The following ARL15 variants were observed in gnomAD, a reference collection of about 807,000 sequenced individuals.
The protein encoded by ARL15 is ARF like GTPase 15.
A neutral mutation model predicts 25.2 loss-of-function variants in ARL15; 19 were observed. The ratio of observed to expected loss-of-function variants is 0.75; its 90% CI spans 0.53 to 1.10. ARL15 has a LOEUF of 1.10. ARL15 is among the 50% of genes least tolerant of loss of function. The pLI is 0.00. For synonymous variants in ARL15, 94 were observed against 86.8 expected (o/e 1.08, Z -0.46); for missense variants, 220 against 246.0 (o/e 0.89, Z 0.71).
chr5:54,242,825 AC>A lies in ARL15; in HGVS notation c.48+67606del, dbSNP rs1756995502. 3.3e-5 allele frequency among the ~76,000 whole-genome samples: 5 copies of A among 152,324 alleles called. No individual in the cohort carries two copies. In the South Asian group the frequency reaches 8.3e-4, roughly 25 times the overall value. On this transcript the variant is annotated intron_variant, in intron 1 of 4. Transcript: ENST00000504924. Reference sequence around the variant, plus strand: ...GTCAGTTTACAGTTTGGGGCTGCAAACAAAAATTATAACGAACACACCTCCT... The same window carrying A: ...GTCAGTTTACAGTTTGGGGCTGCAAAAAAAATTATAACGAACACACCTCCT...
chr5:53,894,083 T>C (rs1047038802), intron 4 of ARL15, among the ~76,000 whole-genome samples: 1 of 152,256 alleles, frequency 6.6e-6, no homozygotes, highest in Non-Finnish European at 1.5e-5. Context: ...GATGACTTGA[T>C]GTTAACCAAT....
At chr5:54,169,712 G>T (rs1407095757) in intron 2 of ARL15, among the ~76,000 whole-genome samples, 4 of 152,188 alleles carry the variant, frequency 2.6e-5, no homozygotes, top group Admixed American at 6.5e-5. Flanking sequence ...CCAAGATGGG[G>T]AGATGGGCAC....
intron 1 of ARL15, among the ~76,000 whole-genome samples, chr5:54,208,605 T>C (rs566054974): frequency 6.6e-6 from 1 of 152,316 alleles, no homozygotes; most frequent in East Asian, 1.9e-4. Context: ...AATGGCATCA[T>C]GACTTCAAAA....
At chr5:53,995,737 C>A (rs1214735099) in intron 4 of ARL15, among the ~76,000 whole-genome samples, 2 of 152,104 alleles carry the variant, frequency 1.3e-5, no homozygotes, top group Non-Finnish European at 2.9e-5. Flanking sequence ...CGGGGGTTGG[C>A]CTTGTCCTGG....
chr5:53,912,485 A>C (rs767844182), intron 4 of ARL15, among the ~76,000 whole-genome samples: 1 of 152,196 alleles, frequency 6.6e-6, no homozygotes, highest in Non-Finnish European at 1.5e-5. Context: ...ATGCCTCCTG[A>C]AGTCCCTTAA....
Position 54,011,248 on chromosome 5 carries a change from T to C in ARL15, c.462+101954A>G, listed in dbSNP as rs1580168128. 5.9e-5 allele frequency among the ~76,000 whole-genome samples: 9 copies of C among 152,290 alleles called. 1 individual carries two copies. The highest frequency in any genetic ancestry group is 5.9e-4 in the Admixed American group (9 of 15,300). ...TGAATATCCAGAGTTCTATACATTA[T>C]GGCTTTGTAGATTATAAAACTGTAA... On this transcript the variant is annotated intron_variant, in intron 4 of 4. Coordinates refer to ENST00000504924, the MANE Select transcript of ARL15 (RefSeq NM_019087.3).
chr5:53,987,419 C>T (rs1748332952), intron 4 of ARL15, among the ~76,000 whole-genome samples: 1 of 151,568 alleles, frequency 6.6e-6, no homozygotes, highest in African/African-American at 2.4e-5. Flanking sequence ...CATGCATGCG[C>T]ACAGGCCCAA....
intron 1 of ARL15, among the ~76,000 whole-genome samples, chr5:54,306,498 C>T (rs915368113): frequency 6.7e-6 from 1 of 149,938 alleles, no homozygotes; most frequent in African/African-American, 2.5e-5. Context: ...TCAAGCGATT[C>T]TCCTGCCTCA....
At chr5:54,237,750 ATT>A (rs1246234053) in intron 1 of ARL15, among the ~76,000 whole-genome samples, 1 of 152,178 alleles carries the variant, frequency 6.6e-6, no homozygotes, top group Non-Finnish European at 1.5e-5. Context: ...CCTTTGTAGA[ATT>A]TGTCTTGAAT....
chr5:54,255,615 G>A (rs966214242), intron 1 of ARL15, among the ~76,000 whole-genome samples: 18 of 152,104 alleles, frequency 1.2e-4, no homozygotes, highest in South Asian at 2.1e-4. Flanking sequence ...AATCTGAAAC[G>A]CTCCAAAATC....
chr5:53,951,179 G>A (rs1233868425), intron 4 of ARL15, among the ~76,000 whole-genome samples: 1 of 152,216 alleles, frequency 6.6e-6, no homozygotes, highest in Non-Finnish European at 1.5e-5. Flanking sequence ...TTGCAGCTGG[G>A]TATGGGAGAG....
In ARL15 at chr5:54,273,493, G is replaced by T. The variant is rs1446811403; in HGVS notation, c.48+36939C>A. On this transcript the variant is annotated intron_variant, in intron 1 of 4. Transcript: ENST00000504924. ...TCTTCAAAAATGTCAAGGACTAAAA[G>T]ACAAAAAAAAGTTGAGAAATTATTC... Among the ~76,000 whole-genome samples the T allele has an allele frequency of 2.0e-5, 3 of 151,840 alleles. No homozygotes were observed. The East Asian group carries it at 5.8e-4, about 29-fold the overall frequency.
intron 4 of ARL15, among the ~76,000 whole-genome samples, chr5:53,973,190 T>C (rs562660458): frequency 1.4e-4 from 22 of 152,058 alleles, no homozygotes; most frequent in Middle Eastern, 3.4e-3. Flanking sequence ...AATGGAAATT[T>C]ACAGCAGATA....
chr5:54,087,781 T>C (rs1186141099), intron 4 of ARL15, among the ~76,000 whole-genome samples: 1 of 17,978 alleles, frequency 5.6e-5, no homozygotes, highest in African/African-American at 9.8e-5. Flanking sequence ...GTTCAAGTGA[T>C]TCTCCTGCCT....
At chr5:53,965,111 C>G (rs1305963860) in intron 4 of ARL15, among the ~76,000 whole-genome samples, 1 of 152,228 alleles carries the variant, frequency 6.6e-6, no homozygotes, top group East Asian at 1.9e-4. Context: ...AATCTTGACT[C>G]TAGAGAGATT....
intron 4 of ARL15, among the ~76,000 whole-genome samples, chr5:54,082,798 C>CA (rs141830089): frequency 0.1 from 15,415 of 152,092 alleles, 1,006 homozygotes; most frequent in Non-Finnish European, 0.15. Flanking sequence ...AAATTAGATG[C>CA]AAAATCACCT....
intron 4 of ARL15, among the ~76,000 whole-genome samples, chr5:54,011,631 T>A (rs1561188176): frequency 6.6e-6 from 1 of 152,176 alleles, no homozygotes; most frequent in African/African-American, 2.4e-5. Flanking sequence ...AAAGGCTTGC[T>A]AAGTCAGAAA....
intron 4 of ARL15, among the ~76,000 whole-genome samples, chr5:54,106,121 A>C (rs1323200874): frequency 6.6e-6 from 1 of 152,214 alleles, no homozygotes; most frequent in Non-Finnish European, 1.5e-5. Context: ...CAAATAGACA[A>C]ACACAAATGT....
chr5:54,074,651 G>A (rs1751535188), intron 4 of ARL15, among the ~76,000 whole-genome samples: 1 of 152,106 alleles, frequency 6.6e-6, no homozygotes. Context: ...AAAGGCACAT[G>A]TTTTCAGAAC....
Sources: allele counts gnomAD v4.1 joint callset (sites outside exome capture counted in the v4.1 genomes callset), GRCh38; gene constraint gnomAD v4.1.1; transcripts MANE v1.5; gene names NCBI Gene and HGNC (gene_info 2026-07-23, HGNC 2026-07-21).